Variants in SGCZ observed in about 807,000 individuals in gnomAD.
SGCZ encodes the protein sarcoglycan zeta.
A neutral mutation model predicts 41.3 loss-of-function variants in SGCZ; 40 were observed. The observed-to-expected ratio is 0.97, with a 90% CI of 0.75 to 1.26. The LOEUF is 1.26. SGCZ is among the 50% of genes most tolerant of loss of function. The pLI is 0.00. For missense variants in SGCZ, 552 were observed against 369.8 expected (o/e 1.49, Z -4.04); for synonymous variants, 206 against 137.5 (o/e 1.50, Z -3.49).
intron 1 of SGCZ, among the ~76,000 whole-genome samples, chr8:15,170,549 C>G (rs1178745891): frequency 6.6e-6 from 1 of 152,202 alleles, no homozygotes; most frequent in Non-Finnish European, 1.5e-5. Context: ...TCTTCTTCAA[C>G]AGACTGGGGA....
chr8:14,644,148 G>C (rs1290473519), intron 1 of SGCZ, among the ~76,000 whole-genome samples: 1 of 151,602 alleles, frequency 6.6e-6, no homozygotes, highest in Non-Finnish European at 1.5e-5. Context: ...ACTTGGCTAG[G>C]CTATGGTGCC....
chr8:15,042,523 A>G lies in SGCZ; in HGVS notation c.39+195062T>C, dbSNP rs116561192. ...TCTAAATTAGCAAGATTCAAAGGTGACCTAAAACAAACCAACAAATACGTC... is the reference window on the plus strand; with the variant it reads ...TCTAAATTAGCAAGATTCAAAGGTGGCCTAAAACAAACCAACAAATACGTC... On this transcript the variant is annotated intron_variant, in intron 1 of 7. Coordinates refer to ENST00000382080, the MANE Select transcript of SGCZ (RefSeq NM_139167.4). Among the ~76,000 whole-genome samples the G allele has an allele frequency of 2.7e-3, 415 of 152,326 alleles. 1 individual carries two copies. Among genetic ancestry groups the G allele is most frequent in the African/African-American group, 9.7e-3 (404 of 41,580 alleles).
intron 1 of SGCZ, among the ~76,000 whole-genome samples, chr8:15,184,758 G>C (rs983307889): frequency 1.3e-5 from 2 of 152,140 alleles, no homozygotes; most frequent in African/African-American, 4.8e-5. Context: ...TAAAGTGTCA[G>C]GCTTTGGTAA....
rs144112616 is a variant in SGCZ at position 14,677,963 on chromosome 8, G to A, written c.40-123037C>T. ...ACTGGTGAAATAATAGACAAACAGA[G>A]CAATATAACAGCAAAGTGCCCAGAA... On this transcript the variant is annotated intron_variant, in intron 1 of 7. Transcript: ENST00000382080. Among the ~76,000 whole-genome samples, 6 of 152,150 alleles carry A rather than the reference G, an allele frequency of 3.9e-5. No homozygotes were observed. The East Asian group carries it at 1.2e-3, about 29-fold the overall frequency.
At chr8:15,104,338 G>A (rs1245979368) in intron 1 of SGCZ, among the ~76,000 whole-genome samples, 1 of 152,158 alleles carries the variant, frequency 6.6e-6, no homozygotes, top group Non-Finnish European at 1.5e-5. Flanking sequence ...CAAAGCATTA[G>A]ATAAAAGCTA....
At chr8:14,415,680 C>T (rs1799473835) in intron 2 of SGCZ, among the ~76,000 whole-genome samples, 1 of 151,872 alleles carries the variant, frequency 6.6e-6, no homozygotes, top group Non-Finnish European at 1.5e-5. Flanking sequence ...TTTATTAAAG[C>T]TGTATTTTGT....
At chr8:14,214,293 C>G (rs1045756818) in intron 4 of SGCZ, among the ~76,000 whole-genome samples, 5 of 152,258 alleles carry the variant, frequency 3.3e-5, no homozygotes, top group Middle Eastern at 3.4e-3. Context: ...CAAAGAAAGT[C>G]TGTGCAACTA....
chr8:14,560,771 G>C (rs1163812162), intron 1 of SGCZ, among the ~76,000 whole-genome samples: 1 of 151,720 alleles, frequency 6.6e-6, no homozygotes, highest in Non-Finnish European at 1.5e-5. Flanking sequence ...TTTTGGTAAA[G>C]CAACAGAGAT....
At chr8:14,615,668 T>C (rs1044179457) in intron 1 of SGCZ, among the ~76,000 whole-genome samples, 2 of 152,108 alleles carry the variant, frequency 1.3e-5, no homozygotes, top group Admixed American at 6.5e-5. Context: ...TCAGACAAAA[T>C]TGTAAGTATT....
intron 5 of SGCZ, among the ~76,000 whole-genome samples, chr8:14,111,075 C>T (rs1057238664): frequency 1.6e-5 from 2 of 122,438 alleles, no homozygotes; most frequent in African/African-American, 6.4e-5. Context: ...ACAACAACAA[C>T]AACAAACTTT....
intron 7 of SGCZ, among the ~76,000 whole-genome samples, chr8:14,099,565 A>T (rs1345795762): frequency 6.6e-6 from 1 of 152,058 alleles, no homozygotes; most frequent in Non-Finnish European, 1.5e-5. Flanking sequence ...TCTCTTCTAA[A>T]AGTACAAATA....
chr8:14,553,618 G>A (rs529883706), intron 2 of SGCZ, among the ~76,000 whole-genome samples: 34 of 152,136 alleles, frequency 2.2e-4, no homozygotes, highest in Admixed American at 2.0e-3. Flanking sequence ...CCACCTGCCC[G>A]CACAGGCTCC....
At chr8:14,520,751 C>T (rs1370381529) in intron 2 of SGCZ, among the ~76,000 whole-genome samples, 2 of 152,212 alleles carry the variant, frequency 1.3e-5, no homozygotes, top group South Asian at 2.1e-4. Flanking sequence ...CAAAATCTGA[C>T]ATTCAAAAGG....
intron 1 of SGCZ, among the ~76,000 whole-genome samples, chr8:14,555,880 G>A (rs1167876309): frequency 6.6e-6 from 1 of 151,890 alleles, no homozygotes; most frequent in Non-Finnish European, 1.5e-5. Context: ...AATTATGTTG[G>A]TTATTTTAGT....
At chr8:14,109,901 A>G (rs1342621869) in intron 5 of SGCZ, among the ~76,000 whole-genome samples, 2 of 152,172 alleles carry the variant, frequency 1.3e-5, no homozygotes, top group Non-Finnish European at 2.9e-5. Flanking sequence ...TTTATAAGCT[A>G]AAAGCTATTG....
chr8:15,185,662 C>G (rs914545327), intron 1 of SGCZ, among the ~76,000 whole-genome samples: 1 of 152,086 alleles, frequency 6.6e-6, no homozygotes, highest in South Asian at 2.1e-4. Flanking sequence ...CGATCACTGC[C>G]CCAAGTTCTG....
At chr8:14,413,767 C>A (rs1799422557) in intron 2 of SGCZ, among the ~76,000 whole-genome samples, 1 of 151,818 alleles carries the variant, frequency 6.6e-6, no homozygotes, top group African/African-American at 2.4e-5. Context: ...AAAAACACAC[C>A]CACATTCTAA....
chr8:14,258,584 G>A (rs1219239967), intron 3 of SGCZ, among the ~76,000 whole-genome samples: 1 of 152,116 alleles, frequency 6.6e-6, no homozygotes, highest in Non-Finnish European at 1.5e-5. Flanking sequence ...ACTATATTAA[G>A]TAAAATTATA....
intron 1 of SGCZ, among the ~76,000 whole-genome samples, chr8:14,752,344 A>T (rs1307919673): frequency 6.6e-6 from 1 of 152,202 alleles, no homozygotes; most frequent in Non-Finnish European, 1.5e-5. Flanking sequence ...ATATCTCTTA[A>T]GCTGCTTGAT....
Sources: allele counts gnomAD v4.1 joint callset (sites outside exome capture counted in the v4.1 genomes callset), GRCh38; gene constraint gnomAD v4.1.1; transcripts MANE v1.5; gene names NCBI Gene and HGNC (gene_info 2026-07-23, HGNC 2026-07-21).